The following UTS2 variants were observed in gnomAD, a reference collection of about 807,000 sequenced individuals.
UTS2 encodes urotensin 2, also known as urotensin-2.
A neutral mutation model predicts 12.6 loss-of-function variants in UTS2; 10 were observed. That is an observed-to-expected ratio of 0.80 (90% confidence interval 0.49 to 1.35). The LOEUF is 1.35. Ranked by LOEUF, UTS2 falls within the 40% of genes most tolerant of loss-of-function variation. The pLI, the probability that UTS2 is intolerant of heterozygous loss-of-function variation, is 0.00. For synonymous variants in UTS2, 52 were observed against 50.0 expected (o/e 1.04, Z -0.17); for missense variants, 142 against 143.2 (o/e 0.99, Z 0.04).
chr1:7,868,772 C>G, the UTS2 span, among the ~76,000 whole-genome samples: 3 of 152,204 alleles, frequency 2.0e-5, no homozygotes, highest in African/African-American at 7.2e-5. Flanking sequence ...AAAATTCATA[C>G]AATCAAGCCC....
the UTS2 span, among the ~76,000 whole-genome samples, chr1:7,890,502 A>G: frequency 6.6e-6 from 1 of 152,172 alleles, no homozygotes; most frequent in Non-Finnish European, 1.5e-5. Context: ...TGATCTGGCA[A>G]TTCCAGTTCA....
chr1:7,875,370 G>A, the UTS2 span, among the ~76,000 whole-genome samples: 16 of 152,274 alleles, frequency 1.1e-4, no homozygotes, highest in Non-Finnish European at 1.8e-4. Flanking sequence ...CACGGCGCCC[G>A]GCCAATTTCG....
At chr1:7,898,690 G>A in the UTS2 span, among the ~76,000 whole-genome samples, 2 of 152,126 alleles carry the variant, frequency 1.3e-5, no homozygotes, top group East Asian at 3.9e-4. Context: ...TGTTAGCCAG[G>A]ATGGCCTCGA....
the UTS2 span, among the ~76,000 whole-genome samples, chr1:7,901,633 T>A: frequency 6.6e-6 from 1 of 150,724 alleles, no homozygotes; most frequent in Admixed American, 6.6e-5. Flanking sequence ...TGTGTGTGTA[T>A]ATATATATTT....
intron 2 of UTS2, 114 bp from the exon 3 acceptor site, chr1:7,849,797 C>T (rs1300426095): frequency 1.1e-6 from 1 of 904,154 alleles, no homozygotes; most frequent in African/African-American, 1.7e-5. Flanking sequence ...TCTTTTTCCA[C>T]ACTGCAGCAA....
chr1:7,880,872 T>C, the UTS2 span, among the ~76,000 whole-genome samples: 1 of 152,164 alleles, frequency 6.6e-6, no homozygotes, highest in Non-Finnish European at 1.5e-5. Flanking sequence ...CCAATATTCC[T>C]GATGAACATA....
At chr1:7,912,573 C>T in the UTS2 span, among the ~76,000 whole-genome samples, 1 of 152,210 alleles carries the variant, frequency 6.6e-6, no homozygotes, top group Non-Finnish European at 1.5e-5. Flanking sequence ...TCTGCCTCAA[C>T]CTCCTGAGTA....
chr1:7,852,731 T>C (rs2151383553), intron 1 of UTS2, among the ~76,000 whole-genome samples, 170 bp downstream of exon 1: 1 of 152,242 alleles, frequency 6.6e-6, no homozygotes, highest in Non-Finnish European at 1.5e-5. Flanking sequence ...CATTACTACA[T>C]CTAAAATGTG....
upstream of UTS2, among the ~76,000 whole-genome samples, chr1:7,858,068 T>C (rs1578031816): frequency 6.6e-6 from 1 of 152,166 alleles, no homozygotes; most frequent in African/African-American, 2.4e-5. Flanking sequence ...GAAGAGGCTG[T>C]TTGCCAAGCT....
At chr1:7,876,316 AG>A in the UTS2 span, among the ~76,000 whole-genome samples, 1 of 152,146 alleles carries the variant, frequency 6.6e-6, no homozygotes, top group African/African-American at 2.4e-5. Context: ...CACACACATC[AG>A]GGGCCGAGGA....
At chr1:7,891,264 A>G in the UTS2 span, among the ~76,000 whole-genome samples, 1 of 152,116 alleles carries the variant, frequency 6.6e-6, no homozygotes, top group African/African-American at 2.4e-5. Context: ...ACTATCATTA[A>G]CGATGCATTA....
At chr1:7,906,449 G>GAGAAAGAAACAAAGAAAGAAAGAA in the UTS2 span, among the ~76,000 whole-genome samples, 1 of 73,226 alleles carries the variant, frequency 1.4e-5, no homozygotes, top group Non-Finnish European at 2.6e-5. Flanking sequence ...GAAAGAAAAA[G>GAGAAAGAAACAAAGAAAGAAAGAA]AGAAAGAAAG....
At chr1:7,874,555 G>A in the UTS2 span, among the ~76,000 whole-genome samples, 1 of 152,160 alleles carries the variant, frequency 6.6e-6, no homozygotes, top group African/African-American at 2.4e-5. Context: ...AATGGGTGGT[G>A]CACCACACCA....
chr1:7,869,509 C>T, the UTS2 span, among the ~76,000 whole-genome samples: 80 of 152,320 alleles, frequency 5.3e-4, 2 homozygotes, highest in Admixed American at 4.6e-3. Flanking sequence ...CTTTGAAAAA[C>T]AGGCCTTGAA....
At chr1:7,855,600 CTT>C (rs1347218395), upstream of UTS2, among the ~76,000 whole-genome samples, 4 of 151,966 alleles carry the variant, frequency 2.6e-5, no homozygotes, top group East Asian at 7.7e-4. Flanking sequence ...TCAGGCTGGT[CTT>C]GACCTCCTGG....
At chr1:7,891,441 C>A in the UTS2 span, among the ~76,000 whole-genome samples, 1 of 151,552 alleles carries the variant, frequency 6.6e-6, no homozygotes, top group Non-Finnish European at 1.5e-5. Flanking sequence ...CAGGAGAATC[C>A]CTTGAACCGG....
chr1:7,863,121 T>C, the UTS2 span, among the ~76,000 whole-genome samples: 4 of 150,140 alleles, frequency 2.7e-5, no homozygotes, highest in African/African-American at 9.9e-5. Context: ...TTGTATTGTA[T>C]TGTATTTGAG....
At chr1:7,878,517 G>A in the UTS2 span, among the ~76,000 whole-genome samples, 7 of 152,078 alleles carry the variant, frequency 4.6e-5, no homozygotes, top group Non-Finnish European at 8.8e-5. Flanking sequence ...TTAAAATGAC[G>A]AAAATAAGTT....
the UTS2 span, among the ~76,000 whole-genome samples, chr1:7,900,817 T>G: frequency 6.6e-6 from 1 of 152,004 alleles, no homozygotes; most frequent in Non-Finnish European, 1.5e-5. Flanking sequence ...TTGCCTCTTT[T>G]TCTTTTACTG....
Sources: allele counts gnomAD v4.1 joint callset (sites outside exome capture counted in the v4.1 genomes callset), GRCh38; gene constraint gnomAD v4.1.1; transcripts MANE v1.5; gene names NCBI Gene and HGNC (gene_info 2026-07-23, HGNC 2026-07-21).